The following NLRP13 variants were observed in gnomAD, a reference collection of about 807,000 sequenced individuals.
The protein encoded by NLRP13 is NLR family pyrin domain containing 13.
NLRP13 carries 82 observed loss-of-function variants against 94.4 expected under a neutral mutation model. The observed-to-expected ratio is 0.87, with a 90% CI of 0.73 to 1.04. The LOEUF (loss-of-function observed/expected upper bound fraction) is 1.04. Among genes scored for constraint, NLRP13 ranks in the 50% least tolerant of loss-of-function variants. The probability of loss-of-function intolerance (pLI) is 0.00; values close to 1 mark genes in which losing one functional copy is unlikely to be tolerated. For missense variants in NLRP13, 1,426 were observed against 1,230.8 expected (o/e 1.16, Z -2.37); for synonymous variants, 553 against 464.7 (o/e 1.19, Z -2.45).
intron 6 of NLRP13, among the ~76,000 whole-genome samples, chr19:55,909,462 C>T (rs1194500045): frequency 6.6e-6 from 1 of 152,000 alleles, no homozygotes; most frequent in African/African-American, 2.4e-5. Flanking sequence ...CTAGGAAACC[C>T]TGGTGTTGCC....
intron 8 of NLRP13, among the ~76,000 whole-genome samples, chr19:55,903,954 A>C (rs1986264343): frequency 6.6e-6 from 1 of 152,144 alleles, no homozygotes; most frequent in Non-Finnish European, 1.5e-5. Flanking sequence ...TTCCAATCCA[A>C]GGATGACTTT....
intron 1 of NLRP13, among the ~76,000 whole-genome samples, chr19:55,927,199 TCTCTAA>T (rs1986985439): frequency 1.3e-5 from 2 of 151,812 alleles, no homozygotes; most frequent in Admixed American, 6.6e-5. Flanking sequence ...GGAAACCCCA[TCTCTAA>T]TAACAACACA....
intron 8 of NLRP13, 135 bp from the exon 9 acceptor site, chr19:55,902,340 T>C: frequency 1.5e-6 from 1 of 680,404 alleles, no homozygotes; most frequent in Non-Finnish European, 2.5e-6. Flanking sequence ...TCTTTTTAGC[T>C]GGACACCGAC....
At chr19:55,900,678 A>C (rs1028198431) in intron 9 of NLRP13, among the ~76,000 whole-genome samples, 6 of 151,326 alleles carry the variant, frequency 4.0e-5, no homozygotes, top group Non-Finnish European at 7.4e-5. Context: ...CGGGAGGCTG[A>C]GACAGGAGAA....
At chr19:55,902,468 A>G (rs1478341535) in intron 8 of NLRP13, among the ~76,000 whole-genome samples, 2 of 152,144 alleles carry the variant, frequency 1.3e-5, no homozygotes, top group African/African-American at 4.8e-5. Context: ...AAAGAAAAAA[A>G]AAACTTTCAA....
chr19:55,924,991 G>T lies in NLRP13; in HGVS notation c.364C>A (p.Leu122Ile). ...QELQDPTQED[L>I]EMLEAAAGNM... ...CCTGCTGCTGCTTCTAGCATCTCTAGATCTTCCTGGGTTGGATCTTGCAGC... is the reference window on the plus strand; with the variant it reads ...CCTGCTGCTGCTTCTAGCATCTCTATATCTTCCTGGGTTGGATCTTGCAGC... Residue 122 changes from leucine to isoleucine, a missense_variant, in exon 2 of 11, where the codon CTA (leucine) becomes ATA (isoleucine). Coordinates refer to ENST00000342929, the MANE Select transcript of NLRP13 (RefSeq NM_176810.2). 3.1e-6 allele frequency: 5 copies of T among 1,614,078 alleles called. No homozygotes were observed. The highest frequency in any genetic ancestry group is 4.2e-6 in the Non-Finnish European group (5 of 1,179,986).
At chr19:55,892,925 TG>T (rs1412346508), downstream of NLRP13, among the ~76,000 whole-genome samples, 1 of 152,196 alleles carries the variant, frequency 6.6e-6, no homozygotes, top group Non-Finnish European at 1.5e-5. Flanking sequence ...TGCATGTGTG[TG>T]TTCCTCACAG....
At chr19:55,899,111 T>A (rs1986096852) in intron 9 of NLRP13, among the ~76,000 whole-genome samples, 174 bp from the exon 10 acceptor site, 1 of 151,924 alleles carries the variant, frequency 6.6e-6, no homozygotes, top group South Asian at 2.1e-4. Flanking sequence ...CTCCAGGTGC[T>A]CTATTTACCT....
intron 4 of NLRP13, among the ~76,000 whole-genome samples, chr19:55,918,920 A>G (rs1986742197): frequency 6.6e-6 from 1 of 152,036 alleles, no homozygotes; most frequent in African/African-American, 2.4e-5. Context: ...CAAGGACACA[A>G]AAAGACAACT....
intron 6 of NLRP13, among the ~76,000 whole-genome samples, chr19:55,908,568 A>G (rs1986418713): frequency 7.0e-6 from 1 of 142,894 alleles, no homozygotes; most frequent in Non-Finnish European, 1.5e-5. Context: ...TGGCACCTAT[A>G]CACCATGGAA....
intron 9 of NLRP13, among the ~76,000 whole-genome samples, chr19:55,900,720 G>A (rs1986143140): frequency 6.7e-6 from 1 of 150,084 alleles, no homozygotes; most frequent in Admixed American, 6.7e-5. Flanking sequence ...AGCTTGCAGT[G>A]AGCTGAGATC....
intron 8 of NLRP13, 118 bp downstream of exon 8, chr19:55,904,824 A>T: frequency 1.2e-6 from 1 of 821,360 alleles, no homozygotes; most frequent in Non-Finnish European, 1.8e-6. Flanking sequence ...GGCACATAGT[A>T]ATTACTCAAT....
chr19:55,924,031 G>A, intron 3 of NLRP13, 52 bp from the exon 4 acceptor site: 1 of 1,424,628 alleles, frequency 7.0e-7, no homozygotes, highest in South Asian at 1.2e-5. Context: ...CTGAAAATGG[G>A]CCACAATGAT....
At chr19:55,913,603 G>C (rs373090973) in intron 4 of NLRP13, among the ~76,000 whole-genome samples, 3 of 141,684 alleles carry the variant, frequency 2.1e-5, no homozygotes, top group East Asian at 4.4e-4. Context: ...TAAATAATTT[G>C]ATGATATATA....
In NLRP13 at chr19:55,912,269, G is replaced by A. The variant is rs756221722; in HGVS notation, c.1548C>T (p.Leu516=). ...TCTTTTGAAGAATATTGAACTCGTA[G>A]AGAGAATCAATGAAAGGCACTTCCA... is the stretch of plus-strand genomic sequence containing the variant. ...EGLEVPFIDS[L]YEFNILQKIN... is the part of the protein sequence containing the mutation. Residue 516 remains leucine, a synonymous_variant, in exon 5 of 11, where the codon CTC becomes CTT. Transcript: ENST00000342929. 22 of 1,613,982 alleles carry A rather than the reference G, an allele frequency of 1.4e-5. No individual in the cohort carries two copies. The highest frequency in any genetic ancestry group is 3.3e-4 in the Middle Eastern group (2 of 6,084).
chr19:55,921,309 T>G (rs1986819827), intron 4 of NLRP13, among the ~76,000 whole-genome samples: 2 of 152,158 alleles, frequency 1.3e-5, no homozygotes, highest in South Asian at 4.1e-4. Flanking sequence ...GGAAGAATTT[T>G]TATTGATACT....
At chr19:55,931,039 C>T (rs1026956846) in intron 1 of NLRP13, among the ~76,000 whole-genome samples, 1 of 148,972 alleles carries the variant, frequency 6.7e-6, no homozygotes, top group African/African-American at 2.5e-5. Context: ...TGCAATGCCA[C>T]AGAAGATGTG....
At chr19:55,892,778 C>T (rs1292485701), downstream of NLRP13, among the ~76,000 whole-genome samples, 2 of 152,308 alleles carry the variant, frequency 1.3e-5, no homozygotes, top group East Asian at 3.9e-4. Context: ...CTTGTGAGAA[C>T]ATGTGGTATG....
Position 55,898,966 on chromosome 19 carries a change from GA to G in NLRP13, c.2790-30del, listed in dbSNP as rs59769760. On this transcript the variant is annotated intron_variant, in intron 9 of 10. Coordinates refer to ENST00000342929, the MANE Select transcript of NLRP13 (RefSeq NM_176810.2). ...CAAAATAAAAACATACAAAAGGGGG[GA>G]AAGTAATTGCGTCCCGAAGCTGTGC... 4.6e-3 allele frequency: 7,377 copies of G among 1,599,830 alleles called. 343 individuals are homozygous for G. In the African/African-American group the frequency reaches 0.087, roughly 19 times the overall value.
Sources: allele counts gnomAD v4.1 joint callset (sites outside exome capture counted in the v4.1 genomes callset), GRCh38; gene constraint gnomAD v4.1.1; transcripts MANE v1.5; gene names NCBI Gene and HGNC (gene_info 2026-07-23, HGNC 2026-07-21).